The following MARCHF1 variants were observed in gnomAD, a reference collection of about 807,000 sequenced individuals.
MARCHF1 encodes the protein E3 ubiquitin-protein ligase MARCHF1.
MARCHF1 carries 40 observed loss-of-function variants against 54.2 expected under a neutral mutation model. The observed-to-expected ratio is 0.74, with a 90% confidence interval of 0.57 to 0.96. The LOEUF (loss-of-function observed/expected upper bound fraction) is 0.96. Among genes scored for constraint, MARCHF1 ranks in the 40% least tolerant of loss-of-function variants. The pLI is 0.00. For missense variants in MARCHF1, 586 were observed against 656.5 expected, an observed-to-expected ratio of 0.89 and a Z score of 1.17; for synonymous variants, 236 against 236.3, an observed-to-expected ratio of 1.00 and a Z score of 0.01.
At chr4:163,955,212 T>TAAAA (rs574633631) in intron 3 of MARCHF1, among the ~76,000 whole-genome samples, 2 of 111,836 alleles carry the variant, frequency 1.8e-5, no homozygotes, top group Admixed American at 9.3e-5. Context: ...TACTGAACAT[T>TAAAA]AAAAAAAAAA....
chr4:163,840,734 T>C (rs1749313665), intron 4 of MARCHF1, among the ~76,000 whole-genome samples: 2 of 152,102 alleles, frequency 1.3e-5, no homozygotes, highest in African/African-American at 4.8e-5. Context: ...TTGCAATGTA[T>C]ACTTGAAATT....
intron 3 of MARCHF1, among the ~76,000 whole-genome samples, chr4:163,868,166 T>C (rs1219154571): frequency 6.6e-6 from 1 of 151,960 alleles, no homozygotes; most frequent in African/African-American, 2.4e-5. Context: ...GAACAGATCA[T>C]AGCACTCAAT....
chr4:164,138,193 T>A (rs979337377), intron 1 of MARCHF1, among the ~76,000 whole-genome samples: 2 of 152,188 alleles, frequency 1.3e-5, no homozygotes, highest in Non-Finnish European at 1.5e-5. Context: ...TCTGGTTTAT[T>A]TTTTACTGAT....
At chr4:163,850,972 C>T (rs1243671720) in intron 4 of MARCHF1, among the ~76,000 whole-genome samples, 2 of 152,066 alleles carry the variant, frequency 1.3e-5, no homozygotes, top group Non-Finnish European at 1.5e-5. Context: ...TTGATGAAGG[C>T]ATTGAACAAC....
In MARCHF1 at chr4:163,847,780, C is replaced by T. The variant is rs147347773; in HGVS notation, c.111+6241G>A. ...TATTTTATTAGAGACAGGATTTCAC[C>T]ATGTTGGCCAGGCTAGTCTCGAACT... On this transcript the variant is annotated intron_variant, in intron 4 of 9. Coordinates refer to ENST00000514618, the MANE Select transcript of MARCHF1 (RefSeq NM_001394959.1). Among the ~76,000 whole-genome samples, 498 of 151,862 alleles carry T rather than the reference C, an allele frequency of 3.3e-3. 1 individual carries two copies. Among genetic ancestry groups the T allele is most frequent in the African/African-American group, 0.011 (471 of 41,412 alleles).
chr4:164,046,184 A>G (rs937249660), intron 2 of MARCHF1, among the ~76,000 whole-genome samples: 6 of 152,240 alleles, frequency 3.9e-5, no homozygotes, highest in Non-Finnish European at 7.3e-5. Flanking sequence ...ATGTTTGGTA[A>G]TGGGCCTTTG....
chr4:164,105,420 T>C (rs1016267509), intron 2 of MARCHF1, among the ~76,000 whole-genome samples: 7 of 150,340 alleles, frequency 4.7e-5, no homozygotes, highest in African/African-American at 1.5e-4. Flanking sequence ...AACAGAGATA[T>C]AGATCAATGG....
intron 4 of MARCHF1, among the ~76,000 whole-genome samples, chr4:163,754,870 G>A (rs1746621583): frequency 6.6e-6 from 1 of 152,102 alleles, no homozygotes; most frequent in African/African-American, 2.4e-5. Context: ...AATAGAAAAG[G>A]AAGCAGTCTT....
intron 1 of MARCHF1, among the ~76,000 whole-genome samples, chr4:164,346,534 T>G (rs1730102829): frequency 6.6e-6 from 1 of 150,740 alleles, no homozygotes; most frequent in Admixed American, 6.6e-5. Context: ...CCTCTTGGTA[T>G]CTGTAGTACC....
At chr4:163,805,396 T>C (rs948470665) in intron 4 of MARCHF1, among the ~76,000 whole-genome samples, 6 of 151,492 alleles carry the variant, frequency 4.0e-5, no homozygotes, top group Admixed American at 3.9e-4. Flanking sequence ...AACAAGTTTA[T>C]AGTTGATACA....
rs935263233 is a variant in MARCHF1, at chr4:164,064,291, T to G, written c.-248+47297A>C. On this transcript the variant is annotated intron_variant, in intron 2 of 9. Coordinates refer to ENST00000514618, the MANE Select transcript of MARCHF1 (RefSeq NM_001394959.1). Reference sequence around the variant, plus strand: ...TAATGATATTGATTTGTCCCATCCATGAACATGGAGTGTTCTTCCATTTGT... The same window carrying G: ...TAATGATATTGATTTGTCCCATCCAGGAACATGGAGTGTTCTTCCATTTGT... Among the ~76,000 whole-genome samples the G allele has an allele frequency of 4.6e-5, 7 of 152,256 alleles. 1 individual carries two copies. The highest frequency in any genetic ancestry group is 3.3e-4 in the Admixed American group (5 of 15,288).
intron 2 of MARCHF1, among the ~76,000 whole-genome samples, chr4:164,089,830 A>G (rs1279121268): frequency 6.6e-6 from 1 of 152,062 alleles, no homozygotes; most frequent in African/African-American, 2.4e-5. Flanking sequence ...TTGTGAAACC[A>G]TCTCAGCAAG....
chr4:163,606,839 A>G (rs1299769828), intron 7 of MARCHF1, among the ~76,000 whole-genome samples: 1 of 152,098 alleles, frequency 6.6e-6, no homozygotes, highest in African/African-American at 2.4e-5. Context: ...GACTTAGTCC[A>G]ACCACAATAC....
chr4:163,706,289 C>A (rs916048949), intron 4 of MARCHF1, among the ~76,000 whole-genome samples: 1 of 152,042 alleles, frequency 6.6e-6, no homozygotes, highest in African/African-American at 2.4e-5. Flanking sequence ...GATGGTAGAG[C>A]TGAATTCTTG....
intron 2 of MARCHF1, among the ~76,000 whole-genome samples, chr4:164,004,896 G>C (rs1482491787): frequency 6.6e-6 from 1 of 151,556 alleles, no homozygotes; most frequent in East Asian, 1.9e-4. Flanking sequence ...GAAGCAAAAA[G>C]GTCTAAAAGT....
intron 9 of MARCHF1, among the ~76,000 whole-genome samples, chr4:163,535,283 G>T (rs1738491294): frequency 6.6e-6 from 1 of 151,954 alleles, no homozygotes; most frequent in Admixed American, 6.6e-5. Flanking sequence ...AATACAAATT[G>T]TTTTATTCTT....
chr4:164,225,429 A>G (rs1732224888), intron 1 of MARCHF1, among the ~76,000 whole-genome samples: 1 of 152,024 alleles, frequency 6.6e-6, no homozygotes, highest in Admixed American at 6.6e-5. Flanking sequence ...CTTCTAAAGG[A>G]TTATTTTTTG....
At chr4:164,119,568 T>C (rs1001435266) in intron 1 of MARCHF1, among the ~76,000 whole-genome samples, 1 of 151,716 alleles carries the variant, frequency 6.6e-6, no homozygotes, top group Non-Finnish European at 1.5e-5. Context: ...TTAATAATTA[T>C]GTTTGGTGAC....
chr4:163,847,207 T>C (rs1399922540), intron 4 of MARCHF1, among the ~76,000 whole-genome samples: 1 of 152,206 alleles, frequency 6.6e-6, no homozygotes, highest in Non-Finnish European at 1.5e-5. Context: ...GAAAAGTATA[T>C]AATTTTCATT....
Sources: gnomAD v4.1 joint callset for allele counts (sites outside exome capture counted in the v4.1 genomes callset) on GRCh38, gnomAD v4.1.1 for gene constraint, MANE v1.5 for transcripts, NCBI Gene and HGNC (gene_info 2026-07-23, HGNC 2026-07-21) for gene names.